The following SPOCK3 variants were observed in gnomAD, a reference collection of about 807,000 sequenced individuals.
SPOCK3 encodes testican-3.
Under a neutral mutation model 56.6 loss-of-function variants are expected in SPOCK3, and 30 were observed. That is an observed-to-expected ratio of 0.53 (90% CI 0.40 to 0.72). SPOCK3 has a LOEUF of 0.72. Among genes scored for constraint, SPOCK3 ranks in the 30% least tolerant of loss-of-function variants. SPOCK3 has a pLI of 0.00. For missense variants in SPOCK3, 527 were observed against 530.0 expected (o/e 0.99, Z 0.06); for synonymous variants, 196 against 183.3 (o/e 1.07, Z -0.56).
chr4:167,172,209 C>A (rs1730565130), intron 2 of SPOCK3, among the ~76,000 whole-genome samples: 1 of 152,118 alleles, frequency 6.6e-6, no homozygotes, highest in Admixed American at 6.6e-5. Context: ...GCTGTGCCTA[C>A]AAATCCAGTA....
At chr4:166,828,275 T>C (rs1745686254) in intron 6 of SPOCK3, among the ~76,000 whole-genome samples, 2 of 152,036 alleles carry the variant, frequency 1.3e-5, no homozygotes. Flanking sequence ...AGTGCCATGA[T>C]ACATTATTTC....
intron 3 of SPOCK3, among the ~76,000 whole-genome samples, chr4:167,035,170 G>A (rs1461910613): frequency 2.0e-5 from 3 of 152,060 alleles, no homozygotes; most frequent in Non-Finnish European, 4.4e-5. Context: ...TAAAGTTTGG[G>A]GATAAAGGTC....
chr4:166,773,414 TG>T (rs1313464872), intron 7 of SPOCK3, among the ~76,000 whole-genome samples: 1 of 146,198 alleles, frequency 6.8e-6, no homozygotes, highest in South Asian at 2.2e-4. Flanking sequence ...TATTTTGCAG[TG>T]TAATAAAAGT....
chr4:166,892,108 A>G (rs1000537824), intron 5 of SPOCK3, among the ~76,000 whole-genome samples: 2 of 152,058 alleles, frequency 1.3e-5, no homozygotes, highest in African/African-American at 4.8e-5. Context: ...TTTTTATATC[A>G]TTAGGCACTA....
intron 8 of SPOCK3, among the ~76,000 whole-genome samples, chr4:166,747,492 A>G (rs1216823988): frequency 6.6e-6 from 1 of 152,168 alleles, no homozygotes; most frequent in South Asian, 2.1e-4. Flanking sequence ...TCTCAAAATA[A>G]TAAGAGCTAT....
At chr4:166,898,051 A>G (rs1735586926) in intron 5 of SPOCK3, among the ~76,000 whole-genome samples, 1 of 151,760 alleles carries the variant, frequency 6.6e-6, no homozygotes, top group Non-Finnish European at 1.5e-5. Flanking sequence ...TAAAAAAAAA[A>G]GTGGCTGGGC....
At chr4:166,900,818 C>T (rs143550134) in intron 5 of SPOCK3, among the ~76,000 whole-genome samples, 13 of 152,166 alleles carry the variant, frequency 8.5e-5, no homozygotes, top group African/African-American at 2.6e-4. Flanking sequence ...TTTTAGTGAT[C>T]GTAATGGGAC....
At chr4:167,149,531 T>C (rs1236156054) in intron 2 of SPOCK3, among the ~76,000 whole-genome samples, 2 of 152,108 alleles carry the variant, frequency 1.3e-5, no homozygotes, top group Admixed American at 6.6e-5. Context: ...TAGATTCTCC[T>C]GTTGCTTGAT....
intron 2 of SPOCK3, among the ~76,000 whole-genome samples, chr4:167,090,547 A>G (rs887403489): frequency 9.2e-5 from 14 of 151,528 alleles, no homozygotes; most frequent in African/African-American, 3.4e-4. Context: ...CTTGCTGCCT[A>G]GGCTGGATTG....
At chr4:166,991,227 G>C (rs1747746343) in intron 4 of SPOCK3, among the ~76,000 whole-genome samples, 1 of 151,944 alleles carries the variant, frequency 6.6e-6, no homozygotes, top group Non-Finnish European at 1.5e-5. Flanking sequence ...ACAACTTAGA[G>C]ATAATGGCTG....
intron 2 of SPOCK3, among the ~76,000 whole-genome samples, chr4:167,102,931 A>G (rs1201913628): frequency 6.8e-6 from 1 of 148,138 alleles, no homozygotes; most frequent in Non-Finnish European, 1.5e-5. Context: ...AGAAAAAAAA[A>G]AAAAAAAAAA....
chr4:166,871,884 T>G (rs540568123), intron 6 of SPOCK3, among the ~76,000 whole-genome samples: 1 of 151,084 alleles, frequency 6.6e-6, no homozygotes. Context: ...CATTAATAAA[T>G]CAATGCAATG....
chr4:167,210,462 G>A (rs59345687), intron 2 of SPOCK3, among the ~76,000 whole-genome samples: 5,278 of 152,146 alleles, frequency 0.035, 197 homozygotes, highest in African/African-American at 0.089. Flanking sequence ...GGTACGTCTT[G>A]GGTAGTGGGC....
intron 5 of SPOCK3, among the ~76,000 whole-genome samples, chr4:166,890,204 G>A (rs1734628907): frequency 6.6e-6 from 1 of 151,854 alleles, no homozygotes; most frequent in Non-Finnish European, 1.5e-5. Flanking sequence ...TGATGACAGT[G>A]CATTTCTGAT....
intron 2 of SPOCK3, among the ~76,000 whole-genome samples, chr4:167,214,547 G>A (rs1215803680): frequency 6.6e-6 from 1 of 151,864 alleles, no homozygotes; most frequent in Non-Finnish European, 1.5e-5. Context: ...ACAATCATTT[G>A]GTTTTTCCCA....
At chr4:167,057,282 GGA>G in intron 3 of SPOCK3, among the ~76,000 whole-genome samples, 1 of 152,222 alleles carries the variant, frequency 6.6e-6, no homozygotes, top group East Asian at 1.9e-4. Context: ...AGCTCCTCAA[GGA>G]AGCACTAAAC....
At chr4:166,835,138 T>C (rs1746481452) in intron 6 of SPOCK3, among the ~76,000 whole-genome samples, 1 of 152,090 alleles carries the variant, frequency 6.6e-6, no homozygotes, top group Admixed American at 6.5e-5. Context: ...ATCTATAAAA[T>C]TGTTACTCAT....
At chr4:166,933,495 C>T (rs1260375625) in intron 4 of SPOCK3, among the ~76,000 whole-genome samples, 1 of 152,040 alleles carries the variant, frequency 6.6e-6, no homozygotes, top group Non-Finnish European at 1.5e-5. Context: ...TTTTCCCTCA[C>T]CTCTCTCTCA....
intron 6 of SPOCK3, among the ~76,000 whole-genome samples, chr4:166,855,038 C>A (rs1730510127): frequency 6.6e-6 from 1 of 152,162 alleles, no homozygotes; most frequent in African/African-American, 2.4e-5. Context: ...CTAAGATCCA[C>A]AACCATCCCT....
Sources: allele counts gnomAD v4.1 joint callset (sites outside exome capture counted in the v4.1 genomes callset), GRCh38; gene constraint gnomAD v4.1.1; transcripts MANE v1.5; gene names NCBI Gene and HGNC (gene_info 2026-07-23, HGNC 2026-07-21).